Variants in PC observed in about 807,000 individuals in gnomAD.
PC encodes pyruvate carboxylase, mitochondrial.
In PC, 46 loss-of-function variants were observed where a neutral mutation model predicts 107.8. The ratio of observed to expected loss-of-function variants is 0.43; its 90% CI spans 0.34 to 0.55. PC has a LOEUF of 0.55. Among genes scored for constraint, PC ranks in the 20% least tolerant of loss-of-function variants. The pLI is 0.04. For synonymous variants in PC, 662 were observed against 684.7 expected (o/e 0.97, Z 0.52); for missense variants, 1,241 against 1,643.1 (o/e 0.76, Z 4.23).
intron 3 of PC, among the ~76,000 whole-genome samples, chr11:66,948,669 G>T (rs527598116): frequency 2.6e-5 from 4 of 152,152 alleles, no homozygotes; most frequent in African/African-American, 7.2e-5. Context: ...GTGAAACCCC[G>T]TCTCCACAAA....
chr11:66,930,796 A>G (rs900231767), intron 3 of PC, among the ~76,000 whole-genome samples: 1 of 152,028 alleles, frequency 6.6e-6, no homozygotes, highest in African/African-American at 2.4e-5. Flanking sequence ...TGAGAGAGGA[A>G]AAAAAACAAA....
rs531222011 is a variant in PC, at chr11:66,922,593, T to C, written c.-1+29837A>G. 5.7e-5 allele frequency among the ~76,000 whole-genome samples: 8 copies of C among 140,978 alleles called. No homozygotes were observed. In the East Asian group the frequency reaches 1.8e-3, roughly 31 times the overall value. The allele number at this position is 140,978 out of a possible 152,430, so 92.5% of individuals were successfully genotyped here. A position where few individuals can be genotyped will look rare whatever the true frequency, so the allele number is the denominator to read the frequency against. On this transcript the variant is annotated intron_variant, in intron 3 of 22. Transcript: ENST00000393960. Reference sequence around the variant, plus strand: ...AAAAAAAAAAAGCAATGAGCCTAGCTAGCACTTCCAGAGGTGCATCCACAA... The same window carrying C: ...AAAAAAAAAAAGCAATGAGCCTAGCCAGCACTTCCAGAGGTGCATCCACAA...
chr11:66,850,523 G>C, intron 18 of PC, 59 bp from the exon 19 acceptor site: 1 of 1,611,660 alleles, frequency 6.2e-7, no homozygotes, highest in Non-Finnish European at 8.5e-7. Flanking sequence ...CCAGGACCCA[G>C]GGCTAGCTCA....
chr11:66,866,442 T>C lies in PC; in HGVS notation c.1023-93A>G. ...GAGGGGCACCGCAGCCAGTGGGGCG[T>C]CCACACACAGTGCGACTCCTGCCCA... On this transcript the variant is annotated intron_variant, in intron 10 of 22. Coordinates refer to ENST00000393960, the MANE Select transcript of PC (RefSeq NM_001040716.2). The surrounding 1 kb of genome is among the most constrained non-coding windows in gnomAD (Gnocchi z 5.4). 2 of 932,908 alleles carry C rather than the reference T, an allele frequency of 2.1e-6. No homozygotes were observed. The highest frequency in any genetic ancestry group is 3.3e-6 in the Non-Finnish European group (2 of 602,744). The allele number at this position is 932,908 out of a possible 1,614,324, so 57.8% of individuals were successfully genotyped here.
chr11:66,953,012 T>C (rs1189618716), intron 2 of PC, among the ~76,000 whole-genome samples: 1 of 152,140 alleles, frequency 6.6e-6, no homozygotes, highest in Admixed American at 6.5e-5. Flanking sequence ...ACAATGCCCA[T>C]CTCACAGCGT....
intron 3 of PC, among the ~76,000 whole-genome samples, chr11:66,892,445 C>CTGTAGAGACA (rs1285866195): frequency 2.0e-5 from 3 of 152,222 alleles, no homozygotes; most frequent in Non-Finnish European, 4.4e-5. Flanking sequence ...GCAGGTCAGC[C>CTGTAGAGACA]TGTAGAGACA....
At chr11:66,873,598 C>T (rs1483739543) in intron 3 of PC, among the ~76,000 whole-genome samples, 1 of 127,222 alleles carries the variant, frequency 7.9e-6, no homozygotes, top group Admixed American at 9.8e-5. Context: ...CTGACGACAA[C>T]TTATATCCCT....
Position 66,851,288 on chromosome 11 carries a change from G to A in PC, c.1983-8C>T. 6.2e-7 allele frequency: 1 copy of A among 1,600,046 alleles called. No individual in the cohort carries two copies. Among genetic ancestry groups the A allele is most frequent in the Admixed American group, 1.7e-5 (1 of 60,026 alleles). On this transcript the variant is annotated splice_polypyrimidine_tract_variant and splice_region_variant and intron_variant, in intron 16 of 22. Transcript: ENST00000393960. ...TTGGCCACTTCACAGAACCTGCAAG[G>A]GTGAGAGAGCCCAGGGCTGAGCCCC...
intron 13 of PC, 166 bp from the exon 14 acceptor site, chr11:66,853,002 G>A (rs1945596661): frequency 1.4e-6 from 1 of 697,968 alleles, no homozygotes. Context: ...GGTACAGGCA[G>A]TGGGGACGTC....
intron 3 of PC, among the ~76,000 whole-genome samples, chr11:66,916,400 G>C (rs1480307500): frequency 6.6e-6 from 1 of 152,114 alleles, no homozygotes; most frequent in Non-Finnish European, 1.5e-5. Context: ...AAGCAGTTTT[G>C]TATGTGCAGT....
At chr11:66,947,059 C>T (rs1949315383) in intron 3 of PC, among the ~76,000 whole-genome samples, 1 of 152,140 alleles carries the variant, frequency 6.6e-6, no homozygotes, top group Non-Finnish European at 1.5e-5. Context: ...TAAAATACTA[C>T]AACCACGTCA....
intron 10 of PC, 91 bp downstream of exon 10, chr11:66,868,755 C>G (rs183164984): frequency 1.1e-6 from 1 of 946,040 alleles, no homozygotes; most frequent in Non-Finnish European, 1.7e-6. Flanking sequence ...AGTGAGCAAG[C>G]CCCCTGGCTG....
intron 3 of PC, chr11:66,907,725 C>A (rs1486797520): frequency 6.6e-6 from 1 of 152,236 alleles, no homozygotes; most frequent in African/African-American, 2.4e-5. Context: ...TAGAAAGCTG[C>A]CAAGTTCCAG....
At chr11:66,956,987 G>C (rs1042197738) in intron 1 of PC, among the ~76,000 whole-genome samples, 4 of 152,240 alleles carry the variant, frequency 2.6e-5, no homozygotes, top group Non-Finnish European at 5.9e-5. Flanking sequence ...CCAGTGTAGG[G>C]ATAGGAACAC....
intron 3 of PC, among the ~76,000 whole-genome samples, chr11:66,881,553 C>A (rs1284740427): frequency 6.6e-6 from 1 of 152,258 alleles, no homozygotes; most frequent in African/African-American, 2.4e-5. Context: ...CGTCACCTGC[C>A]CCGCTCCTGA....
At position 66,857,714 on chromosome 11, in the gene PC, G is replaced by T; in HGVS notation, c.1369-4331C>A. 1 of 1,568,410 alleles carries T rather than the reference G, an allele frequency of 6.4e-7. No individual in the cohort carries two copies. The highest frequency in any genetic ancestry group is 8.6e-7 in the Non-Finnish European group (1 of 1,162,668). ...CCTGCGCCAGCCCCACCTGTGCCTG[G>T]GCTGTGGCCCCTTCCTACAGGGCGC... On this transcript the variant is annotated intron_variant, in intron 12 of 22. Transcript: ENST00000393960. The surrounding 1 kb of genome is among the most constrained non-coding windows in gnomAD (Gnocchi z 7.1).
At chr11:66,897,275 C>T (rs1180753812) in intron 3 of PC, among the ~76,000 whole-genome samples, 1 of 152,050 alleles carries the variant, frequency 6.6e-6, no homozygotes, top group Non-Finnish European at 1.5e-5. Context: ...ATTATCTATT[C>T]AAAAAGTGAC....
intron 12 of PC, chr11:66,860,726 G>A (rs1382840880): frequency 1.3e-5 from 9 of 699,922 alleles, no homozygotes; most frequent in Non-Finnish European, 2.3e-5. Context: ...TGCAAAGAAC[G>A]CCCCTTCCTG....
rs114146605 is a variant in PC at position 66,898,402 on chromosome 11, G to A, written c.1-26243C>T. ...ACACATAAAGTGCAATTCAATGGCC[G>A]GGTGTAGTGGCTCACACCTATAATC... On this transcript the variant is annotated intron_variant, in intron 3 of 22. Coordinates refer to ENST00000393960, the MANE Select transcript of PC (RefSeq NM_001040716.2). Among the ~76,000 whole-genome samples the A allele has an allele frequency of 2.2e-3, 332 of 152,214 alleles. 1 individual carries two copies. The highest frequency in any genetic ancestry group is 7.6e-3 in the African/African-American group (316 of 41,524).
Sources: allele counts gnomAD v4.1 joint callset (sites outside exome capture counted in the v4.1 genomes callset), GRCh38; gene constraint gnomAD v4.1.1; non-coding constraint Gnocchi (gnomAD v3.1); transcripts MANE v1.5; gene names NCBI Gene and HGNC (gene_info 2026-07-23, HGNC 2026-07-21).